The following PKP1 variants were observed in gnomAD, a reference collection of about 807,000 sequenced individuals.
PKP1 encodes the protein plakophilin-1.
A neutral mutation model predicts 76.4 loss-of-function variants in PKP1; 27 were observed. The observed-to-expected ratio is 0.35, with a 90% CI of 0.26 to 0.49. The LOEUF is 0.49. Ranked by LOEUF, PKP1 falls within the 20% of genes least tolerant of loss-of-function variation. PKP1 has a pLI of 0.99. For missense variants in PKP1, 964 were observed against 955.2 expected, an observed-to-expected ratio of 1.01 and a Z score of -0.12; for synonymous variants, 404 against 384.2, an observed-to-expected ratio of 1.05 and a Z score of -0.60.
intron 3 of PKP1, among the ~76,000 whole-genome samples, chr1:201,314,972 C>T (rs1342624126): frequency 3.3e-5 from 5 of 152,236 alleles, no homozygotes. Context: ...TGTCCAAGGC[C>T]ACACAGCTGG....
Position 201,313,242 on chromosome 1 carries a change from G to T in PKP1, c.383G>T (p.Arg128Leu), listed in dbSNP as rs775588543. 2 of 1,604,866 alleles carry T rather than the reference G, an allele frequency of 1.2e-6. No individual in the cohort carries two copies. Among genetic ancestry groups the T allele is most frequent in the Non-Finnish European group, 1.7e-6 (2 of 1,176,116 alleles). ...TACAGCCAGATGGAGAACTGGAGCC[G>T]GCACTACCCCCGGGGCAGCTGTAAC... ...SSYSQMENWS[R>L]HYPRGSCNTT... Residue 128 changes from arginine (R) to leucine (L), a missense_variant, in exon 3 of 14, where the codon CGG becomes CTG. Arg to Leu is a moderately radical substitution (Grantham distance 102). Coordinates refer to ENST00000367324, the MANE Select transcript of PKP1 (RefSeq NM_001005337.3).
intron 2 of PKP1, among the ~76,000 whole-genome samples, chr1:201,295,755 C>T (rs1010749650): frequency 1.3e-5 from 2 of 152,096 alleles, no homozygotes; most frequent in African/African-American, 4.8e-5. Flanking sequence ...TGATGATACT[C>T]GTGTGTCTAC....
At chr1:201,318,561 G>T in intron 5 of PKP1, 57 bp from the exon 6 acceptor site, 1 of 1,523,038 alleles carries the variant, frequency 6.6e-7, no homozygotes. Flanking sequence ...CTGTTACCTC[G>T]GTCCCTAGGG....
At chr1:201,287,893 A>C (rs1394194869) in intron 1 of PKP1, among the ~76,000 whole-genome samples, 3 of 152,226 alleles carry the variant, frequency 2.0e-5, no homozygotes, top group African/African-American at 7.2e-5. Flanking sequence ...CGAATGTTAG[A>C]TATCTTCATG....
chr1:201,316,938 C>T (rs1656770498), intron 4 of PKP1, among the ~76,000 whole-genome samples: 1 of 152,218 alleles, frequency 6.6e-6, no homozygotes, highest in African/African-American at 2.4e-5. Flanking sequence ...ATGGAAGAGA[C>T]TTCAATGCCA....
In PKP1 at chr1:201,325,133, C is replaced by T. The variant is rs375642746; in HGVS notation, c.2021+6C>T. On this transcript the variant is annotated splice_donor_region_variant and intron_variant, in intron 11 of 13. Coordinates refer to ENST00000367324, the MANE Select transcript of PKP1 (RefSeq NM_001005337.3). ...ATCAACCTGTGCCGAAGCAGGTGGG[C>T]GGGGGGTTGCTCCCACGGGCTGCAC... 8.1e-6 allele frequency: 13 copies of T among 1,612,824 alleles called. No homozygotes were observed. The highest frequency in any genetic ancestry group is 1.3e-5 in the African/African-American group (1 of 74,896).
chr1:201,314,071 G>A (rs926094303), intron 3 of PKP1, among the ~76,000 whole-genome samples: 2 of 152,188 alleles, frequency 1.3e-5, no homozygotes, highest in Non-Finnish European at 2.9e-5. Flanking sequence ...AATATGCCCC[G>A]GTATGGACGA....
At chr1:201,325,641 C>T in intron 11 of PKP1, 113 bp from the exon 12 acceptor site, 2 of 820,450 alleles carry the variant, frequency 2.4e-6, no homozygotes, top group Admixed American at 3.9e-5. Context: ...CTGAGGCCTC[C>T]TCTGAGGCCT....
chr1:201,306,677 T>C (rs544864668), intron 2 of PKP1, among the ~76,000 whole-genome samples: 1 of 151,234 alleles, frequency 6.6e-6, no homozygotes, highest in Non-Finnish European at 1.5e-5. Context: ...CCAAAACTTT[T>C]ACTTTTTTTT....
intron 10 of PKP1, 110 bp downstream of exon 10, chr1:201,324,691 A>G: frequency 7.1e-7 from 1 of 1,408,834 alleles, no homozygotes; most frequent in South Asian, 1.2e-5. Context: ...GAGCATTCCA[A>G]GAAAGGAAGC....
chr1:201,314,314 T>C (rs1260434800), intron 3 of PKP1, among the ~76,000 whole-genome samples: 1 of 151,940 alleles, frequency 6.6e-6, no homozygotes, highest in African/African-American at 2.4e-5. Flanking sequence ...ATACAAAAAT[T>C]AGCCAAGCAT....
intron 6 of PKP1, 172 bp from the exon 7 acceptor site, chr1:201,320,095 C>T: frequency 1.4e-6 from 1 of 692,098 alleles, no homozygotes; most frequent in South Asian, 1.6e-5. Flanking sequence ...TCCTCTTCTC[C>T]TTCCTTCCTT....
At chr1:201,321,467 G>A (rs752631321) in intron 7 of PKP1, among the ~76,000 whole-genome samples, 5 of 152,068 alleles carry the variant, frequency 3.3e-5, no homozygotes, top group Non-Finnish European at 2.9e-5. Context: ...ACTTAGCACC[G>A]CTGACATTGA....
At position 201,320,436 on chromosome 1, in the gene PKP1, C is replaced by A. The variant is rs1474821115; in HGVS notation, c.1347+55C>A. 4.2e-6 allele frequency: 5 copies of A among 1,195,418 alleles called. No homozygotes were observed. The African/African-American group carries it at 7.5e-5, about 18-fold the overall frequency. The allele number at this position is 1,195,418 out of a possible 1,614,324, so 74.1% of individuals were successfully genotyped here. On this transcript the variant is annotated intron_variant, in intron 7 of 13. Transcript: ENST00000367324. The stretch of plus-strand genomic sequence containing the variant: ...CCCTAGGCCCAGCCCCCTACATTTT[C>A]TGGGTGCCTTTGAGGCCTGGCCCAG...
At chr1:201,301,080 G>C (rs1253045630) in intron 2 of PKP1, among the ~76,000 whole-genome samples, 1 of 152,200 alleles carries the variant, frequency 6.6e-6, no homozygotes, top group Non-Finnish European at 1.5e-5. Flanking sequence ...CCTCAGGGCC[G>C]AGTGAGCACG....
intron 9 of PKP1, 48 bp from the exon 10 acceptor site, chr1:201,324,380 T>C: frequency 6.4e-7 from 1 of 1,559,642 alleles, no homozygotes; most frequent in Non-Finnish European, 8.7e-7. Context: ...CCTGCCATGG[T>C]GCCTGGGAAG....
Position 201,317,662 on chromosome 1 carries a change from A to G in PKP1, c.937A>G (p.Asn313Asp), listed in dbSNP as rs774382764. Residue 313 changes from asparagine (N) to aspartate (D), a missense_variant, in exon 5 of 14, where the codon AAC becomes GAC. Asn to Asp is a conservative substitution (Grantham distance 23, BLOSUM62 1). Transcript: ENST00000367324. ...VQQAAAGALR[N>D]LVFRSTTNKL... ...GCAGGCCGCGGCAGGGGCCCTGCGCAACCTGGTGTTCAGGAGCACCACCAA... is the reference window on the plus strand; with the variant it reads ...GCAGGCCGCGGCAGGGGCCCTGCGCGACCTGGTGTTCAGGAGCACCACCAA... The G allele has an allele frequency of 6.2e-7, 1 of 1,614,010 alleles. No individual in the cohort carries two copies.
Position 201,313,242 on chromosome 1 carries a change from G to A in PKP1, c.383G>A (p.Arg128Gln), listed in dbSNP as rs775588543. Residue 128 changes from arginine (R) to glutamine (Q), a missense_variant, in exon 3 of 14, where the codon CGG becomes CAG. By Grantham distance (43) the Arg-to-Gln change is conservative (BLOSUM62 1). Transcript: ENST00000367324. ...SSYSQMENWS[R>Q]HYPRGSCNTT... ...TACAGCCAGATGGAGAACTGGAGCC[G>A]GCACTACCCCCGGGGCAGCTGTAAC... 2.6e-5 allele frequency: 42 copies of A among 1,604,748 alleles called. No homozygotes were observed. The highest frequency in any genetic ancestry group is 1.3e-4 in the East Asian group (6 of 44,618).
At chr1:201,316,315 T>A (rs1365546709) in intron 3 of PKP1, 1 of 555,538 alleles carries the variant, frequency 1.8e-6, no homozygotes, top group Non-Finnish European at 3.2e-6. Context: ...GGACATTAAC[T>A]GTGACCAGGG....
Sources: allele counts gnomAD v4.1 joint callset (sites outside exome capture counted in the v4.1 genomes callset), GRCh38; gene constraint gnomAD v4.1.1; transcripts MANE v1.5; gene names NCBI Gene and HGNC (gene_info 2026-07-23, HGNC 2026-07-21).